PYHIN1: variants seen among roughly 807,000 people sequenced by gnomAD.
The protein encoded by PYHIN1 is pyrin and HIN domain family member 1.
Under a neutral mutation model 43.7 loss-of-function variants are expected in PYHIN1, and 32 were observed. The ratio of observed to expected loss-of-function variants is 0.73; its 90% CI spans 0.55 to 0.98. The LOEUF (loss-of-function observed/expected upper bound fraction) is 0.98, where lower values mean the gene tolerates loss of function less well. Ranked by LOEUF, PYHIN1 falls within the 50% of genes least tolerant of loss-of-function variation. PYHIN1 has a pLI of 0.00. For synonymous variants in PYHIN1, 205 were observed against 203.1 expected (o/e 1.01, Z -0.08); for missense variants, 588 against 589.5 (o/e 1.00, Z 0.03).
intron 7 of PYHIN1, among the ~76,000 whole-genome samples, chr1:158,953,187 C>A (rs1571751267): frequency 1.9e-5 from 1 of 52,978 alleles, no homozygotes; most frequent in Non-Finnish European, 4.9e-5. Context: ...GGGCGCCCGC[C>A]ATTGCCCAGG....
At chr1:158,963,839 T>TCCAAAAGATTGCACTAGTTCCCC (rs1477950114) in intron 7 of PYHIN1, among the ~76,000 whole-genome samples, 9 of 152,160 alleles carry the variant, frequency 5.9e-5, no homozygotes, top group Non-Finnish European at 1.0e-4. Context: ...TCTTGTTTCC[T>TCCAAAAGATTGCACTAGTTCCCC]CCAAAAGATT....
At chr1:158,957,063 C>G (rs1649984252) in intron 7 of PYHIN1, among the ~76,000 whole-genome samples, 1 of 148,064 alleles carries the variant, frequency 6.8e-6, no homozygotes, top group Non-Finnish European at 1.5e-5. Context: ...TGAAGGACCT[C>G]TTCAAGGAGA....
At chr1:158,979,290 T>A (rs571523605), downstream of PYHIN1, among the ~76,000 whole-genome samples, 1 of 152,184 alleles carries the variant, frequency 6.6e-6, no homozygotes, top group Non-Finnish European at 1.5e-5. Flanking sequence ...ACCCATCGAA[T>A]AGCAGCTTCC....
intron 1 of PYHIN1, among the ~76,000 whole-genome samples, chr1:158,932,119 A>G (rs941002133): frequency 2.6e-5 from 4 of 152,210 alleles, no homozygotes; most frequent in Non-Finnish European, 5.9e-5. Context: ...TAATGATTTC[A>G]TTCTTTTTTA....
intron 4 of PYHIN1, chr1:158,940,069 CAA>C (rs1182437257): frequency 6.6e-6 from 1 of 152,380 alleles, no homozygotes; most frequent in African/African-American, 2.4e-5. Context: ...ACTAAAAATA[CAA>C]AAAAATTAGC....
At chr1:158,935,570 TG>T (rs1252825459) in intron 1 of PYHIN1, among the ~76,000 whole-genome samples, 1 of 152,142 alleles carries the variant, frequency 6.6e-6, no homozygotes. Context: ...GATAGTTTTA[TG>T]GGCACAGAGG....
At chr1:158,970,930 T>C (rs1280961631) in intron 7 of PYHIN1, among the ~76,000 whole-genome samples, 1 of 152,030 alleles carries the variant, frequency 6.6e-6, no homozygotes, top group African/African-American at 2.4e-5. Context: ...TCTCCCAAGC[T>C]AATAAAGATA....
rs762756449 is a variant in PYHIN1, at chr1:158,976,747, C to G, written c.*52C>G. ...AAATAACTACTGTTCAATCTTTACT[C>G]AAGTGTGGAAATTTTGCCTGAAGTC... is the stretch of plus-strand genomic sequence containing the variant. On this transcript the variant is annotated 3_prime_UTR_variant, in exon 9 of 9. Coordinates refer to ENST00000368140, the MANE Select transcript of PYHIN1 (RefSeq NM_152501.5). 1 of 1,598,430 alleles carries G rather than the reference C, an allele frequency of 6.3e-7. No homozygotes were observed. The highest frequency in any genetic ancestry group is 8.5e-7 in the Non-Finnish European group (1 of 1,171,036).
In PYHIN1 at chr1:158,943,806, AGAC is replaced by A. The variant is rs757433126; in HGVS notation, c.1023_1025del (p.Thr342del). 1 of 1,598,596 alleles carries A rather than the reference AGAC, an allele frequency of 6.3e-7. No homozygotes were observed. The highest frequency in any genetic ancestry group is 2.2e-5 in the East Asian group (1 of 44,652). ...TTGTTGCAGAAAATTGTAAATAGGA[AGAC>A]GACAATCTATGAAATTCAGGATAAA... On this transcript the variant is annotated inframe_deletion, in exon 6 of 9. Transcript: ENST00000368140.
At chr1:158,937,253 C>G (rs546192386) in intron 2 of PYHIN1, 78 bp downstream of exon 2, 1 of 1,432,250 alleles carries the variant, frequency 7.0e-7, no homozygotes, top group East Asian at 2.3e-5. Flanking sequence ...CCACCTTGGT[C>G]GTAGCTGATA....
chr1:158,954,980 A>T (rs376493063), intron 7 of PYHIN1, among the ~76,000 whole-genome samples: 4 of 120,530 alleles, frequency 3.3e-5, no homozygotes, highest in Non-Finnish European at 7.6e-5. Flanking sequence ...GACTTTAAAC[A>T]AACAAAGATC....
intron 7 of PYHIN1, among the ~76,000 whole-genome samples, chr1:158,958,304 C>T (rs539588866): frequency 0.11 from 16,623 of 147,270 alleles, 1,054 homozygotes; most frequent in Non-Finnish European, 0.12. Context: ...GACACATGCA[C>T]ACGTATGTTT....
chr1:158,983,511 C>G, the PYHIN1 span, among the ~76,000 whole-genome samples: 27 of 152,066 alleles, frequency 1.8e-4, no homozygotes, highest in Non-Finnish European at 3.7e-4. Flanking sequence ...GGTGGCTTAG[C>G]TTTTGCTGTG....
At chr1:158,934,033 A>C (rs1648340522) in intron 1 of PYHIN1, among the ~76,000 whole-genome samples, 1 of 152,116 alleles carries the variant, frequency 6.6e-6, no homozygotes, top group Admixed American at 6.5e-5. Flanking sequence ...CACTTTGTTT[A>C]GATTGAAATT....
chr1:158,980,096 G>A (rs938570097), downstream of PYHIN1, among the ~76,000 whole-genome samples: 3 of 152,158 alleles, frequency 2.0e-5, no homozygotes, highest in East Asian at 3.9e-4. Context: ...CAAATGGAGG[G>A]ACTGGCTGGA....
chr1:158,950,770 G>A (rs867636647), intron 7 of PYHIN1, among the ~76,000 whole-genome samples: 6 of 152,222 alleles, frequency 3.9e-5, no homozygotes, highest in South Asian at 4.2e-4. Context: ...GGGTGGAGTC[G>A]GCACGTTCTA....
intron 7 of PYHIN1, among the ~76,000 whole-genome samples, chr1:158,956,344 C>A (rs369410258): frequency 4.7e-4 from 72 of 152,134 alleles, no homozygotes; most frequent in African/African-American, 1.5e-3. Flanking sequence ...CATTGATGCA[C>A]AAATCCTCAA....
chr1:158,987,180 G>A, the PYHIN1 span, among the ~76,000 whole-genome samples: 1 of 152,148 alleles, frequency 6.6e-6, no homozygotes, highest in East Asian at 1.9e-4. Flanking sequence ...ATTGCCACAA[G>A]CAGTGTAGAA....
At chr1:158,952,501 T>G (rs911585560) in intron 7 of PYHIN1, among the ~76,000 whole-genome samples, 1 of 152,168 alleles carries the variant, frequency 6.6e-6, no homozygotes, top group Admixed American at 6.5e-5. Context: ...CCATTTTTTT[T>G]CCCATCTATT....
Sources: gnomAD v4.1 joint callset for allele counts (sites outside exome capture counted in the v4.1 genomes callset) on GRCh38, gnomAD v4.1.1 for gene constraint, MANE v1.5 for transcripts, NCBI Gene and HGNC (gene_info 2026-07-23, HGNC 2026-07-21) for gene names.